Variants in DNAJC15 observed in about 807,000 individuals in gnomAD.
DNAJC15 encodes dnaJ homolog subfamily C member 15.
A neutral mutation model predicts 22.4 loss-of-function variants in DNAJC15; 27 were observed. The observed-to-expected ratio is 1.20, with a 90% CI of 0.89 to 1.66. DNAJC15 has a LOEUF of 1.66. Among genes scored for constraint, DNAJC15 ranks in the 40% most tolerant of loss-of-function variants. The pLI, the probability that DNAJC15 is intolerant of heterozygous loss-of-function variation, is 0.00. For synonymous variants in DNAJC15, 79 were observed against 63.2 expected (o/e 1.25, Z -1.19); for missense variants, 208 against 187.1 (o/e 1.11, Z -0.65).
At chr13:43,024,337 GTTTTTTTTTTT>G (rs376910976) in intron 1 of DNAJC15, among the ~76,000 whole-genome samples, 3 of 93,382 alleles carry the variant, frequency 3.2e-5, no homozygotes, top group Middle Eastern at 9.8e-3. Flanking sequence ...GTATTTTTAC[GTTTTTTTTTTT>G]TTTTTTTTTT....
intron 5 of DNAJC15, among the ~76,000 whole-genome samples, chr13:43,097,660 C>A (rs1024230547): frequency 6.6e-6 from 1 of 152,032 alleles, no homozygotes; most frequent in Non-Finnish European, 1.5e-5. Context: ...GGTCTAGGCC[C>A]GGTACGGTGG....
intron 5 of DNAJC15, among the ~76,000 whole-genome samples, chr13:43,104,899 G>C (rs564759312): frequency 3.3e-5 from 5 of 151,134 alleles, no homozygotes; most frequent in African/African-American, 1.2e-4. Flanking sequence ...ATGTTGCCCA[G>C]GCTGGTCTCA....
Position 43,072,305 on chromosome 13 carries a change from T to C in DNAJC15, c.234+3302T>C, listed in dbSNP as rs190329870. On this transcript the variant is annotated intron_variant, in intron 3 of 5. Coordinates refer to ENST00000379221, the MANE Select transcript of DNAJC15 (RefSeq NM_013238.3). Reference sequence around the variant, plus strand: ...GAAAATGGTCTTTAGTTCTGTAAGATTTTCTTACAGTTTTTTCTTTTATTA... The same window carrying C: ...GAAAATGGTCTTTAGTTCTGTAAGACTTTCTTACAGTTTTTTCTTTTATTA... Among the ~76,000 whole-genome samples the C allele has an allele frequency of 1.5e-3, 226 of 152,292 alleles. 1 individual carries two copies. The highest frequency in any genetic ancestry group is 5.1e-3 in the African/African-American group (211 of 41,572).
At chr13:43,042,937 C>A (rs956615278) in intron 1 of DNAJC15, among the ~76,000 whole-genome samples, 1 of 152,090 alleles carries the variant, frequency 6.6e-6, no homozygotes, top group Admixed American at 6.5e-5. Context: ...TCACCATGTT[C>A]CTGGGTTCAA....
chr13:43,027,816 C>G (rs900560020), intron 1 of DNAJC15, among the ~76,000 whole-genome samples: 1 of 152,084 alleles, frequency 6.6e-6, no homozygotes, highest in African/African-American at 2.4e-5. Context: ...GCCACCACGC[C>G]CAGCTAATTT....
chr13:43,050,139 C>T (rs1390637059), intron 1 of DNAJC15, among the ~76,000 whole-genome samples: 2 of 151,956 alleles, frequency 1.3e-5, no homozygotes, highest in African/African-American at 2.4e-5. Flanking sequence ...AGGCTGGTCT[C>T]GAATTCCTGA....
At chr13:43,064,519 C>G (rs949896914) in intron 1 of DNAJC15, among the ~76,000 whole-genome samples, 6 of 152,180 alleles carry the variant, frequency 3.9e-5, no homozygotes, top group Non-Finnish European at 7.3e-5. Context: ...ATTTGCCTCT[C>G]CCACCATTTA....
intron 1 of DNAJC15, among the ~76,000 whole-genome samples, chr13:43,059,848 G>A (rs575439069): frequency 6.6e-5 from 10 of 151,828 alleles, no homozygotes; most frequent in African/African-American, 9.7e-5. Flanking sequence ...GCAATGTTTC[G>A]CGGGCATGGG....
intron 2 of DNAJC15, among the ~76,000 whole-genome samples, chr13:43,067,360 CTT>C (rs2040589022): frequency 6.6e-6 from 1 of 152,136 alleles, no homozygotes; most frequent in Admixed American, 6.5e-5. Flanking sequence ...AGTTATATAA[CTT>C]ATACTTAATG....
chr13:43,085,556 C>A (rs1383034635), intron 4 of DNAJC15, among the ~76,000 whole-genome samples: 1 of 152,048 alleles, frequency 6.6e-6, no homozygotes, highest in Non-Finnish European at 1.5e-5. Flanking sequence ...TAAGGATTGG[C>A]ATTACAAAGG....
rs544218955 is a variant in DNAJC15, at chr13:43,034,465, A to G, written c.108+10731A>G. ...TGAGTAGCTGGGACTACAGGTGCCCACCACCGCGCCCGGCTAATTTTTTGA... is the reference window on the plus strand; with the variant it reads ...TGAGTAGCTGGGACTACAGGTGCCCGCCACCGCGCCCGGCTAATTTTTTGA... On this transcript the variant is annotated intron_variant, in intron 1 of 5. Transcript: ENST00000379221. Among the ~76,000 whole-genome samples, 488 of 148,708 alleles carry G rather than the reference A, an allele frequency of 3.3e-3. No homozygotes were observed. The East Asian group carries it at 0.053, about 16-fold the overall frequency.
chr13:43,024,845 C>T (rs1264067832), intron 1 of DNAJC15, among the ~76,000 whole-genome samples: 2 of 144,978 alleles, frequency 1.4e-5, no homozygotes, highest in African/African-American at 2.6e-5. Context: ...CACTTGAGGC[C>T]ATGAGTTTGG....
In DNAJC15 at chr13:43,112,245, C is replaced by T. The variant is rs2040828228; in HGVS notation, c.*4997C>T. On this transcript the variant is annotated 3_prime_UTR_variant, in exon 6 of 6. Transcript: ENST00000379221. ...AGTTCATTAAGTAATCTTCATTTCT[C>T]TTCCTGCCATAATAACCCTTTCCCT... 6.6e-6 allele frequency: 1 copy of T among 152,232 alleles called. No individual in the cohort carries two copies. The highest frequency in any genetic ancestry group is 6.5e-5 in the Admixed American group (1 of 15,280). The allele number at this position is 152,232 out of a possible 1,614,324, so 9.4% of individuals were successfully genotyped here. A position where few individuals can be genotyped will look rare whatever the true frequency, so the allele number is the denominator to read the frequency against.
At chr13:43,034,605 G>T (rs182754236) in intron 1 of DNAJC15, among the ~76,000 whole-genome samples, 6 of 120,668 alleles carry the variant, frequency 5.0e-5, no homozygotes, top group Non-Finnish European at 8.7e-5. Flanking sequence ...GTGAGCCACC[G>T]CACCCAGCCG....
intron 1 of DNAJC15, among the ~76,000 whole-genome samples, chr13:43,025,720 A>G (rs1340344904): frequency 6.6e-6 from 1 of 152,198 alleles, no homozygotes; most frequent in Non-Finnish European, 1.5e-5. Context: ...CCTGGCCAAC[A>G]GGGCAAAACC....
chr13:43,079,308 T>A (rs1236353196), intron 4 of DNAJC15, among the ~76,000 whole-genome samples: 1 of 152,190 alleles, frequency 6.6e-6, no homozygotes, highest in Non-Finnish European at 1.5e-5. Flanking sequence ...ACAACAAATC[T>A]TCTGATGATA....
rs141227160 is a variant in DNAJC15 at position 43,110,720 on chromosome 13, T to C, written c.*3472T>C. The C allele has an allele frequency of 1.9e-3, 289 of 152,320 alleles. 2 individuals are homozygous for C. Among genetic ancestry groups the C allele is most frequent in the African/African-American group, 6.9e-3 (285 of 41,560 alleles). The allele number at this position is 152,320 out of a possible 1,614,324, so 9.4% of individuals were successfully genotyped here. On this transcript the variant is annotated 3_prime_UTR_variant, in exon 6 of 6. Coordinates refer to ENST00000379221, the MANE Select transcript of DNAJC15 (RefSeq NM_013238.3). Reference sequence around the variant, plus strand: ...AAGTAATATCATGAATTATGAGCTCTCTGAGAGCAAGGATCATATCAGTCT... The same window carrying C: ...AAGTAATATCATGAATTATGAGCTCCCTGAGAGCAAGGATCATATCAGTCT...
chr13:43,051,778 A>G (rs2040505580), intron 1 of DNAJC15, among the ~76,000 whole-genome samples: 1 of 151,842 alleles, frequency 6.6e-6, no homozygotes, highest in Non-Finnish European at 1.5e-5. Context: ...TTTTCATATG[A>G]TTGCTTATTT....
At chr13:43,082,231 A>G (rs1053558303) in intron 4 of DNAJC15, among the ~76,000 whole-genome samples, 1 of 152,070 alleles carries the variant, frequency 6.6e-6, no homozygotes, top group Admixed American at 6.5e-5. Flanking sequence ...CAGAAGGTCC[A>G]AGAACACCAC....
Sources: gnomAD v4.1 joint callset for allele counts (sites outside exome capture counted in the v4.1 genomes callset) on GRCh38, gnomAD v4.1.1 for gene constraint, MANE v1.5 for transcripts, NCBI Gene and HGNC (gene_info 2026-07-23, HGNC 2026-07-21) for gene names.